The following DDX10 variants were observed in gnomAD, a reference collection of about 807,000 sequenced individuals.
The protein encoded by DDX10 is probable ATP-dependent RNA helicase DDX10.
DDX10 carries 74 observed loss-of-function variants against 104.3 expected under a neutral mutation model. The ratio of observed to expected loss-of-function variants is 0.71; its 90% confidence interval spans 0.59 to 0.86. The LOEUF is 0.86. Among genes scored for constraint, DDX10 ranks in the 40% least tolerant of loss-of-function variants. DDX10 has a pLI of 0.00. For synonymous variants in DDX10, 351 were observed against 353.4 expected (o/e 0.99, Z 0.08); for missense variants, 952 against 1,040.0 (o/e 0.92, Z 1.16).
At chr11:108,863,142 A>G (rs951532246) in intron 16 of DDX10, among the ~76,000 whole-genome samples, 1 of 152,156 alleles carries the variant, frequency 6.6e-6, no homozygotes, top group African/African-American at 2.4e-5. Flanking sequence ...CTACAGTCTA[A>G]AGGTACTTAG....
rs560613348 is a variant in DDX10 at position 108,902,829 on chromosome 11, C to G, written c.2305-15044C>G. Among the ~76,000 whole-genome samples, 290 of 152,198 alleles carry G rather than the reference C, an allele frequency of 1.9e-3. 1 individual carries two copies. Among genetic ancestry groups the G allele is most frequent in the African/African-American group, 6.5e-3 (272 of 41,544 alleles). On this transcript the variant is annotated intron_variant, in intron 16 of 17. Transcript: ENST00000322536. ...TCAGAGAAATTAAAGAGAATTTTTA[C>G]ATTATTAAATAATCCTTTCCATTTG...
chr11:108,722,922 A>G, intron 12 of DDX10, 75 bp from the exon 13 acceptor site: 1 of 1,482,024 alleles, frequency 6.7e-7, no homozygotes, highest in Non-Finnish European at 8.9e-7. Context: ...TCTGCTCTTG[A>G]GAAACTCTTC....
intron 2 of DDX10, 39 bp from the exon 3 acceptor site, chr11:108,675,557 G>A: frequency 1.2e-6 from 2 of 1,604,286 alleles, no homozygotes; most frequent in Non-Finnish European, 1.7e-6. Flanking sequence ...CATCCTACAG[G>A]GATCTTCTAA....
intron 13 of DDX10, among the ~76,000 whole-genome samples, chr11:108,805,379 G>T (rs1441902921): frequency 4.6e-5 from 7 of 152,208 alleles, no homozygotes; most frequent in African/African-American, 1.7e-4. Context: ...TATTCATATA[G>T]TTGCTTTTGT....
chr11:108,859,469 G>C (rs1365585431), intron 16 of DDX10, among the ~76,000 whole-genome samples: 2 of 151,894 alleles, frequency 1.3e-5, no homozygotes, highest in African/African-American at 4.8e-5. Flanking sequence ...GGCTGTGTGT[G>C]TACATATCCC....
chr11:108,863,778 GA>G (rs1038437233), intron 16 of DDX10, among the ~76,000 whole-genome samples: 1 of 151,750 alleles, frequency 6.6e-6, no homozygotes, highest in African/African-American at 2.4e-5. Flanking sequence ...AGTGAGAGAA[GA>G]AAAAAAATAT....
chr11:108,693,696 G>C (rs774168176), intron 9 of DDX10, 96 bp downstream of exon 9: 5 of 979,542 alleles, frequency 5.1e-6, no homozygotes, highest in Non-Finnish European at 8.2e-6. Flanking sequence ...AATCAGGTAA[G>C]TGAGTGCTGG....
chr11:108,839,837 T>A (rs914956071), intron 14 of DDX10, among the ~76,000 whole-genome samples: 1 of 152,184 alleles, frequency 6.6e-6, no homozygotes, highest in African/African-American at 2.4e-5. Context: ...TCATATGACA[T>A]CTGATGTTCA....
chr11:108,801,244 A>G (rs1048498577), intron 13 of DDX10, among the ~76,000 whole-genome samples: 1 of 152,210 alleles, frequency 6.6e-6, no homozygotes, highest in South Asian at 2.1e-4. Context: ...CTATCATTAT[A>G]TGTCCTTACC....
chr11:108,930,922 T>C (rs1863968290), intron 17 of DDX10, among the ~76,000 whole-genome samples: 1 of 152,184 alleles, frequency 6.6e-6, no homozygotes, highest in African/African-American at 2.4e-5. Flanking sequence ...ATAAGGCTAA[T>C]AATAATATAC....
chr11:108,926,374 G>A (rs1838314814), intron 17 of DDX10, among the ~76,000 whole-genome samples: 2 of 152,178 alleles, frequency 1.3e-5, no homozygotes, highest in African/African-American at 4.8e-5. Flanking sequence ...AAATGGCGTT[G>A]TAGATATTTT....
At chr11:108,718,028 G>T (rs937515935) in intron 11 of DDX10, among the ~76,000 whole-genome samples, 8 of 152,140 alleles carry the variant, frequency 5.3e-5, no homozygotes, top group African/African-American at 1.9e-4. Context: ...AGCTGGGTGT[G>T]GTGGTGCATG....
chr11:108,795,141 T>G (rs570603182), intron 13 of DDX10, among the ~76,000 whole-genome samples: 1 of 152,232 alleles, frequency 6.6e-6, no homozygotes, highest in South Asian at 2.1e-4. Context: ...GTTTTCTCTT[T>G]TTTTATAATG....
chr11:108,884,394 T>C (rs965518914), intron 16 of DDX10, among the ~76,000 whole-genome samples: 2 of 152,232 alleles, frequency 1.3e-5, no homozygotes, highest in South Asian at 2.1e-4. Flanking sequence ...ATATGGACCA[T>C]CCGCACTCTG....
chr11:108,776,837 A>G (rs1420239078), intron 13 of DDX10, among the ~76,000 whole-genome samples: 3 of 152,214 alleles, frequency 2.0e-5, no homozygotes, highest in Non-Finnish European at 4.4e-5. Flanking sequence ...CAGCAAGAAA[A>G]TGGGGACTTC....
chr11:108,907,119 T>G (rs1863606135), intron 16 of DDX10, among the ~76,000 whole-genome samples: 1 of 152,186 alleles, frequency 6.6e-6, no homozygotes, highest in South Asian at 2.1e-4. Context: ...CTTTATTCAC[T>G]GCATGCATTA....
chr11:108,816,770 TC>T (rs1201244601), intron 13 of DDX10, among the ~76,000 whole-genome samples: 1 of 152,142 alleles, frequency 6.6e-6, no homozygotes, highest in Non-Finnish European at 1.5e-5. Flanking sequence ...GCCAGGCTGG[TC>T]TTGAACTCCT....
chr11:108,713,156 C>G (rs2094286766), intron 10 of DDX10, among the ~76,000 whole-genome samples: 1 of 152,096 alleles, frequency 6.6e-6, no homozygotes, highest in Non-Finnish European at 1.5e-5. Flanking sequence ...CTGTCTTTTT[C>G]TGTCTCTCCC....
chr11:108,708,716 T>C (rs906774104), intron 10 of DDX10, among the ~76,000 whole-genome samples: 1 of 151,978 alleles, frequency 6.6e-6, no homozygotes, highest in Non-Finnish European at 1.5e-5. Flanking sequence ...TACAGGCATG[T>C]GCCACCATGC....
Sources: allele counts gnomAD v4.1 joint callset (sites outside exome capture counted in the v4.1 genomes callset), GRCh38; gene constraint gnomAD v4.1.1; transcripts MANE v1.5; gene names NCBI Gene and HGNC (gene_info 2026-07-23, HGNC 2026-07-21).